The following GABRP variants were observed in gnomAD, a reference collection of about 807,000 sequenced individuals.
GABRP encodes the protein gamma-aminobutyric acid receptor subunit pi.
In GABRP, 52 loss-of-function variants were observed where a neutral mutation model predicts 47.8. That is an observed-to-expected ratio of 1.09 (90% CI 0.87 to 1.37). The LOEUF (loss-of-function observed/expected upper bound fraction) is 1.37, where lower values mean the gene tolerates loss of function less well. Ranked by LOEUF, GABRP falls within the 40% of genes most tolerant of loss-of-function variation. The pLI is 0.00. For missense variants in GABRP, 525 were observed against 542.8 expected (o/e 0.97, Z 0.33); for synonymous variants, 221 against 205.8 (o/e 1.07, Z -0.63).
intron 9 of GABRP, among the ~76,000 whole-genome samples, chr5:170,811,362 G>T (rs114616936): frequency 2.9e-3 from 434 of 151,702 alleles, no homozygotes; most frequent in Non-Finnish European, 5.3e-3. Context: ...CCATGTTGGA[G>T]AATGGCAACT....
At chr5:170,793,130 A>G (rs1581592392) in intron 3 of GABRP, among the ~76,000 whole-genome samples, 1 of 152,206 alleles carries the variant, frequency 6.6e-6, no homozygotes, top group East Asian at 1.9e-4. Flanking sequence ...TACACTCCCC[A>G]TTGCCGCCAC....
In GABRP at chr5:170,811,939, C is replaced by T. The variant is rs1765897147; in HGVS notation, c.1021-17C>T. The T allele has an allele frequency of 6.2e-7, 1 of 1,607,136 alleles. No individual in the cohort carries two copies. The highest frequency in any genetic ancestry group is 8.5e-7 in the Non-Finnish European group (1 of 1,175,352). Reference sequence around the variant, plus strand: ...TGAGTCAAGTCTTTTAAGCTAACTGCATTGTCTATGAACTAGGGGACAACA... The same window carrying T: ...TGAGTCAAGTCTTTTAAGCTAACTGTATTGTCTATGAACTAGGGGACAACA... On this transcript the variant is annotated splice_polypyrimidine_tract_variant and intron_variant, in intron 9 of 9. Coordinates refer to ENST00000265294, the MANE Select transcript of GABRP (RefSeq NM_014211.3).
chr5:170,808,581 C>G lies in GABRP; in HGVS notation c.680-19C>G, dbSNP rs1561815621. On this transcript the variant is annotated intron_variant, in intron 7 of 9. Coordinates refer to ENST00000265294, the MANE Select transcript of GABRP (RefSeq NM_014211.3). ...TACACGAACAGACACAATTTCCTAT[C>G]TGTTGTTTACCCTTTCAGGAAATTA... The G allele has an allele frequency of 6.2e-7, 1 of 1,608,888 alleles. No homozygotes were observed.
At chr5:170,782,774 G>C (rs1765040977), upstream of GABRP, 1 of 152,296 alleles carries the variant, frequency 6.6e-6, no homozygotes, top group African/African-American at 2.4e-5. Context: ...TGTCAGGAGG[G>C]AAGGAGATGC....
At chr5:170,810,225 G>A (rs1581609507) in intron 9 of GABRP, 3 of 441,282 alleles carry the variant, frequency 6.8e-6, no homozygotes, top group East Asian at 3.5e-5. Flanking sequence ...TCTGCTAATT[G>A]AGAAAAACTG....
chr5:170,797,346 C>A, intron 5 of GABRP, 120 bp from the exon 6 acceptor site: 1 of 691,830 alleles, frequency 1.4e-6, no homozygotes, highest in East Asian at 2.7e-5. Flanking sequence ...ATGCAGACTC[C>A]AAGCTACATG....
At chr5:170,811,660 T>C (rs1765885850) in intron 9 of GABRP, among the ~76,000 whole-genome samples, 1 of 152,156 alleles carries the variant, frequency 6.6e-6, no homozygotes, top group South Asian at 2.1e-4. Context: ...TGAACCCAGG[T>C]CCACTAACTT....
chr5:170,797,668 T>C (rs892899054), intron 6 of GABRP, 120 bp downstream of exon 6: 10 of 672,812 alleles, frequency 1.5e-5, no homozygotes, highest in Non-Finnish European at 2.4e-5. Context: ...TCATCGTGGA[T>C]TCAGCCCTTC....
intron 5 of GABRP, among the ~76,000 whole-genome samples, chr5:170,796,180 G>T (rs755543717): frequency 6.6e-6 from 1 of 152,220 alleles, no homozygotes; most frequent in Non-Finnish European, 1.5e-5. Context: ...AGAGTCTAAA[G>T]TTATAAAACA....
intron 6 of GABRP, among the ~76,000 whole-genome samples, chr5:170,798,466 A>G (rs1423675442): frequency 1.3e-5 from 2 of 152,204 alleles, no homozygotes; most frequent in African/African-American, 4.8e-5. Flanking sequence ...TGGGACAATC[A>G]TTTCATAAAA....
intron 6 of GABRP, among the ~76,000 whole-genome samples, 200 bp from the exon 7 acceptor site, chr5:170,805,516 C>T (rs960465802): frequency 6.6e-6 from 1 of 152,206 alleles, no homozygotes; most frequent in South Asian, 2.1e-4. Context: ...GACGGCAAAT[C>T]GTCCTGGCAG....
rs115491570 is a variant in GABRP at position 170,810,528 on chromosome 5, C to T, written c.1020+773C>T. Among the ~76,000 whole-genome samples the T allele has an allele frequency of 5.9e-3, 903 of 152,306 alleles. 8 individuals are homozygous for T. The highest frequency in any genetic ancestry group is 0.021 in the African/African-American group (862 of 41,560). On this transcript the variant is annotated intron_variant, in intron 9 of 9. Transcript: ENST00000265294. ...CAAAGCCTGACACTTATCCGCTATT[C>T]CCACTTGCAGAGAGCATTAGACCAT...
chr5:170,789,034 C>A, intron 2 of GABRP, 95 bp from the exon 3 acceptor site: 1 of 917,478 alleles, frequency 1.1e-6, no homozygotes, highest in Non-Finnish European at 1.8e-6. Context: ...GCACATACAC[C>A]CACACACACG....
rs922845165 is a variant in GABRP at position 170,809,634 on chromosome 5, A to G, written c.899A>G (p.Asn300Ser). ...IGSRTSLPNT[N>S]CFIKAIDVYL... ...TCCCGCACTTCTCTTCCCAACACCAACTGCTTCATCAAGGCCATCGATGTG... is the reference window on the plus strand; with the variant it reads ...TCCCGCACTTCTCTTCCCAACACCAGCTGCTTCATCAAGGCCATCGATGTG... The change falls in exon 9 of 10, where the codon AAC becomes AGC. Residue 300 changes from asparagine to serine, a missense_variant. Physicochemically the swap from Asn to Ser is conservative, Grantham distance 46. Transcript: ENST00000265294. 11 of 1,613,942 alleles carry G rather than the reference A, an allele frequency of 6.8e-6. No homozygotes were observed. Among genetic ancestry groups the G allele is most frequent in the Non-Finnish European group, 9.3e-6 (11 of 1,179,964 alleles).
Position 170,788,611 on chromosome 5 carries a change from T to C in GABRP, c.-5T>C, listed in dbSNP as rs1765184452. ...TCAGCCCCTTGGTGTGAGCAGCTTC[T>C]CAACATGAACTACAGCCTCCACTTG... On this transcript the variant is annotated 5_prime_UTR_variant, in exon 2 of 10. Coordinates refer to ENST00000265294, the MANE Select transcript of GABRP (RefSeq NM_014211.3). The C allele has an allele frequency of 6.2e-7, 1 of 1,614,016 alleles. No individual in the cohort carries two copies. The highest frequency in any genetic ancestry group is 8.5e-7 in the Non-Finnish European group (1 of 1,180,016).
chr5:170,810,294 T>C (rs1765848234), intron 9 of GABRP, among the ~76,000 whole-genome samples: 1 of 152,182 alleles, frequency 6.6e-6, no homozygotes, highest in Admixed American at 6.5e-5. Flanking sequence ...ATAATAATAG[T>C]CATTATTTAT....
At chr5:170,789,784 C>T (rs1482234903) in intron 3 of GABRP, among the ~76,000 whole-genome samples, 2 of 152,178 alleles carry the variant, frequency 1.3e-5, no homozygotes, top group Admixed American at 6.5e-5. Context: ...TCCTACAATG[C>T]TCCCCAGTGT....
chr5:170,804,089 G>C (rs1490965064), intron 6 of GABRP, among the ~76,000 whole-genome samples: 1 of 151,788 alleles, frequency 6.6e-6, no homozygotes, highest in Non-Finnish European at 1.5e-5. Context: ...TTTGCATCTG[G>C]TTTCTTTCAC....
intron 7 of GABRP, among the ~76,000 whole-genome samples, chr5:170,808,042 G>T (rs763770368): frequency 1.3e-5 from 2 of 152,128 alleles, no homozygotes; most frequent in Non-Finnish European, 2.9e-5. Flanking sequence ...TTACCACAGA[G>T]AATTCTGTTA....
Sources: allele counts gnomAD v4.1 joint callset (sites outside exome capture counted in the v4.1 genomes callset), GRCh38; gene constraint gnomAD v4.1.1; transcripts MANE v1.5; gene names NCBI Gene and HGNC (gene_info 2026-07-23, HGNC 2026-07-21).